The following SEMA3A variants were observed in gnomAD, a reference collection of about 807,000 sequenced individuals.
SEMA3A encodes semaphorin-3A.
In SEMA3A, 29 loss-of-function variants were observed where a neutral mutation model predicts 97.9. The ratio of observed to expected loss-of-function variants is 0.30; its 90% CI spans 0.22 to 0.40. The LOEUF is 0.40. Among genes scored for constraint, SEMA3A ranks in the 10% least tolerant of loss-of-function variants. The probability of loss-of-function intolerance (pLI) is 1.00; values close to 1 mark genes in which losing one functional copy is unlikely to be tolerated. For synonymous variants in SEMA3A, 321 were observed against 323.7 expected (o/e 0.99, Z 0.09); for missense variants, 763 against 951.3 (o/e 0.80, Z 2.60).
At chr7:84,423,555 T>C (rs1457891136) in intron 1 of SEMA3A, among the ~76,000 whole-genome samples, 2 of 152,092 alleles carry the variant, frequency 1.3e-5, no homozygotes, top group Non-Finnish European at 2.9e-5. Context: ...TTATTTCCTA[T>C]CTCTGTAATT....
chr7:84,210,039 C>A (rs1436988969), intron 3 of SEMA3A, among the ~76,000 whole-genome samples: 2 of 152,080 alleles, frequency 1.3e-5, no homozygotes, highest in East Asian at 3.8e-4. Flanking sequence ...TACTCAAGTA[C>A]ATCGAGATAT....
chr7:84,450,554 T>C (rs934089117), intron 1 of SEMA3A, among the ~76,000 whole-genome samples: 3 of 152,228 alleles, frequency 2.0e-5, no homozygotes, highest in African/African-American at 7.2e-5. Context: ...ACTCCATCCA[T>C]TCTGGAAAGC....
rs192010537 is a variant in SEMA3A, at chr7:84,023,885, A to G, written c.668-9534T>C. ...AAGTTAGCCGGGTGTGGTGGCGGGT[A>G]CCTGTAGTCCCAGCTACTCGGGAGG... is the stretch of plus-strand genomic sequence containing the variant. On this transcript the variant is annotated intron_variant, in intron 6 of 16. Coordinates refer to ENST00000265362, the MANE Select transcript of SEMA3A (RefSeq NM_006080.3). Among the ~76,000 whole-genome samples, 900 of 151,916 alleles carry G rather than the reference A, an allele frequency of 5.9e-3. 7 individuals carry two copies. The highest frequency in any genetic ancestry group is 0.021 in the African/African-American group (855 of 41,474).
chr7:84,414,801 A>G (rs1220575600), intron 1 of SEMA3A, among the ~76,000 whole-genome samples: 1 of 152,116 alleles, frequency 6.6e-6, no homozygotes, highest in Non-Finnish European at 1.5e-5. Context: ...ACCAATTAAA[A>G]TGCAGAATCA....
chr7:84,457,917 TAAAC>T (rs1805725842), intron 1 of SEMA3A, among the ~76,000 whole-genome samples: 1 of 151,964 alleles, frequency 6.6e-6, no homozygotes, highest in Non-Finnish European at 1.5e-5. Flanking sequence ...AACAGATAGA[TAAAC>T]AAATAAATGT....
intron 1 of SEMA3A, among the ~76,000 whole-genome samples, chr7:84,190,962 TAC>T (rs3077844): frequency 0.65 from 95,678 of 147,072 alleles, 31,860 homozygotes; most frequent in African/African-American, 0.82. Flanking sequence ...TATTGGTATA[TAC>T]ACACACACAC....
At position 84,352,222 on chromosome 7, in the gene SEMA3A, G is replaced by C. The variant is rs1802454646; in HGVS notation, c.-169+19602C>G. ...TTAAAGAGTTGATTGACAGTTACCA[G>C]AGGCTGGAAAGGTTAGTGGAAAGTG... On this transcript the variant is annotated intron_variant, in intron 2 of 3. Transcript: ENST00000424555. 2.6e-5 allele frequency among the ~76,000 whole-genome samples: 4 copies of C among 152,116 alleles called. No homozygotes were observed. The South Asian group carries it at 8.3e-4, about 32-fold the overall frequency.
intron 3 of SEMA3A, among the ~76,000 whole-genome samples, chr7:84,269,754 G>A (rs1196630509): frequency 6.6e-6 from 1 of 151,888 alleles, no homozygotes; most frequent in Non-Finnish European, 1.5e-5. Flanking sequence ...AAATAATGTT[G>A]GTTGTTTCAT....
intron 1 of SEMA3A, among the ~76,000 whole-genome samples, chr7:84,474,259 A>C (rs1369439547): frequency 6.6e-6 from 1 of 152,242 alleles, no homozygotes; most frequent in Non-Finnish European, 1.5e-5. Context: ...ACAGCATTAC[A>C]TAGAAACTTC....
At chr7:84,162,495 A>G (rs1015291649) in intron 1 of SEMA3A, among the ~76,000 whole-genome samples, 5 of 152,122 alleles carry the variant, frequency 3.3e-5, no homozygotes, top group African/African-American at 4.8e-5. Flanking sequence ...GAGAAACTTC[A>G]TAACAACTCT....
intron 1 of SEMA3A, among the ~76,000 whole-genome samples, chr7:84,479,959 T>A (rs1165514940): frequency 6.6e-6 from 1 of 152,188 alleles, no homozygotes; most frequent in Non-Finnish European, 1.5e-5. Flanking sequence ...CAATGCAAAC[T>A]TTCTTAAGCG....
chr7:84,173,182 C>G (rs1014562029), intron 1 of SEMA3A, among the ~76,000 whole-genome samples: 2 of 152,058 alleles, frequency 1.3e-5, no homozygotes, highest in Admixed American at 6.5e-5. Context: ...GTGGGCCTGT[C>G]TTTTGTCATA....
intron 1 of SEMA3A, among the ~76,000 whole-genome samples, chr7:84,475,484 T>A (rs1175940395): frequency 3.3e-5 from 5 of 152,206 alleles, no homozygotes; most frequent in Admixed American, 2.6e-4. Flanking sequence ...CATACAGATG[T>A]TAGAGCAGAC....
At chr7:84,242,654 A>G (rs574347379) in intron 3 of SEMA3A, among the ~76,000 whole-genome samples, 88 of 152,312 alleles carry the variant, frequency 5.8e-4, no homozygotes, top group African/African-American at 2.1e-3. Flanking sequence ...TGCCCTGGCC[A>G]GAACTTCCAG....
chr7:84,195,023 AAAGAGAGAG>A, upstream of SEMA3A: 1 of 106,318 alleles, frequency 9.4e-6, no homozygotes, highest in Non-Finnish European at 2.0e-5. Flanking sequence ...AGAGAGAGAG[AAAGAGAGAG>A]AGAGAGAGAG....
chr7:84,113,818 C>T (rs1479056394), intron 3 of SEMA3A, among the ~76,000 whole-genome samples: 1 of 152,016 alleles, frequency 6.6e-6, no homozygotes, highest in African/African-American at 2.4e-5. Flanking sequence ...AAAGTAAGGG[C>T]AGTTATAAAC....
At chr7:84,276,475 A>T (rs1280756387) in intron 3 of SEMA3A, among the ~76,000 whole-genome samples, 2 of 152,100 alleles carry the variant, frequency 1.3e-5, no homozygotes, top group Non-Finnish European at 2.9e-5. Context: ...GGCATTATTT[A>T]ATTACATCTT....
At chr7:84,368,602 G>A (rs1033845627) in intron 2 of SEMA3A, among the ~76,000 whole-genome samples, 5 of 150,552 alleles carry the variant, frequency 3.3e-5, no homozygotes, top group African/African-American at 1.2e-4. Flanking sequence ...AATGACCAAA[G>A]TAAGATAAAT....
At chr7:83,966,573 G>A (rs1420299804) in intron 15 of SEMA3A, among the ~76,000 whole-genome samples, 1 of 152,126 alleles carries the variant, frequency 6.6e-6, no homozygotes, top group African/African-American at 2.4e-5. Flanking sequence ...TGACCGGTGA[G>A]GCTAAAAGCC....
Sources: allele counts gnomAD v4.1 joint callset (sites outside exome capture counted in the v4.1 genomes callset), GRCh38; gene constraint gnomAD v4.1.1; transcripts MANE v1.5; gene names NCBI Gene and HGNC (gene_info 2026-07-23, HGNC 2026-07-21).